Variants in CFH observed in about 807,000 individuals in gnomAD.
CFH encodes complement factor H.
Under a neutral mutation model 147.3 loss-of-function variants are expected in CFH, and 53 were observed. That is an observed-to-expected ratio of 0.36 (90% CI 0.29 to 0.45). The LOEUF (loss-of-function observed/expected upper bound fraction) is 0.45, where lower values mean the gene tolerates loss of function less well. Among genes scored for constraint, CFH ranks in the 20% least tolerant of loss-of-function variants. CFH has a pLI of 1.00. For synonymous variants in CFH, 536 were observed against 489.4 expected (o/e 1.10, Z -1.26); for missense variants, 1,380 against 1,498.0 (o/e 0.92, Z 1.30).
chr1:196,741,635 G>T, intron 18 of CFH: 1 of 489,704 alleles, frequency 2.0e-6, no homozygotes, highest in Non-Finnish European at 3.7e-6. Context: ...AATCTCAATT[G>T]CTACGGCTAC....
At chr1:196,666,990 A>C (rs932266352) in intron 1 of CFH, among the ~76,000 whole-genome samples, 1 of 152,156 alleles carries the variant, frequency 6.6e-6, no homozygotes, top group Non-Finnish European at 1.5e-5. Flanking sequence ...TGTTTTATTA[A>C]TATAAAAAAC....
intron 21 of CFH, among the ~76,000 whole-genome samples, chr1:196,746,559 G>T (rs1352243728): frequency 1.3e-5 from 2 of 152,268 alleles, no homozygotes; most frequent in South Asian, 4.2e-4. Context: ...ATGTTGTTTT[G>T]ATATATTTAT....
chr1:196,737,052 T>G (rs770718601), intron 16 of CFH, 46 bp downstream of exon 16: 14 of 1,485,490 alleles, frequency 9.4e-6, no homozygotes, highest in Non-Finnish European at 9.3e-6. Context: ...CAAATGAGGT[T>G]AATATTCTCT....
intron 9 of CFH, among the ~76,000 whole-genome samples, chr1:196,707,175 T>C (rs1668609730): frequency 6.6e-6 from 1 of 152,038 alleles, no homozygotes; most frequent in Non-Finnish European, 1.5e-5. Context: ...ACAAAACAAA[T>C]TTTAGCTAAG....
rs746304542 is a variant in CFH at position 196,746,007 on chromosome 1, C to T, written c.3493+8C>T. 2 of 1,614,126 alleles carry T rather than the reference C, an allele frequency of 1.2e-6. No homozygotes were observed. The highest frequency in any genetic ancestry group is 2.7e-5 in the African/African-American group (2 of 75,034). ...AACCACCAAAATGCTTACGTAAGTACTTTAATATTCACGTGGCTGGAAAAA... is the reference window on the plus strand; with the variant it reads ...AACCACCAAAATGCTTACGTAAGTATTTTAATATTCACGTGGCTGGAAAAA... On this transcript the variant is annotated splice_region_variant and intron_variant, in intron 21 of 21. Transcript: ENST00000367429.
chr1:196,747,051 A>G, intron 21 of CFH, 60 bp from the exon 22 acceptor site: 1 of 1,606,836 alleles, frequency 6.2e-7, no homozygotes, highest in Non-Finnish European at 8.5e-7. Context: ...TGAAAACCTG[A>G]AAGTCTATGA....
chr1:196,727,087 A>G (rs546882358), intron 14 of CFH, 147 bp downstream of exon 14: 6 of 692,620 alleles, frequency 8.7e-6, no homozygotes, highest in Admixed American at 7.1e-5. Context: ...CATATTGCTT[A>G]TAATTCAATA....
intron 15 of CFH, among the ~76,000 whole-genome samples, 196 bp downstream of exon 15, chr1:196,728,718 C>G (rs960092895): frequency 7.0e-6 from 1 of 143,114 alleles, no homozygotes; most frequent in Non-Finnish European, 1.5e-5. Flanking sequence ...AGTATAAACA[C>G]ACACACACAC....
chr1:196,731,230 A>G (rs931276792), intron 15 of CFH, among the ~76,000 whole-genome samples: 12 of 151,734 alleles, frequency 7.9e-5, no homozygotes, highest in African/African-American at 2.9e-4. Flanking sequence ...TCTTTTGTGT[A>G]TCTATTAGAT....
At chr1:196,734,662 G>A (rs943534991) in intron 15 of CFH, among the ~76,000 whole-genome samples, 2 of 152,044 alleles carry the variant, frequency 1.3e-5, no homozygotes, top group African/African-American at 4.8e-5. Context: ...TGCCTGTGGG[G>A]GGAAGGGAGA....
At chr1:196,740,552 A>G in intron 17 of CFH, 67 bp from the exon 18 acceptor site, 1 of 1,465,110 alleles carries the variant, frequency 6.8e-7, no homozygotes. Flanking sequence ...ACTACTTAAT[A>G]TTAAAACAGG....
At chr1:196,660,689 C>T (rs1230963871) in intron 1 of CFH, among the ~76,000 whole-genome samples, 1 of 152,186 alleles carries the variant, frequency 6.6e-6, no homozygotes, top group East Asian at 1.9e-4. Flanking sequence ...ATTTTAAGTA[C>T]TATTTGAAGA....
chr1:196,660,993 G>A (rs1345367466), intron 1 of CFH, among the ~76,000 whole-genome samples: 3 of 152,056 alleles, frequency 2.0e-5, no homozygotes, highest in African/African-American at 7.3e-5. Flanking sequence ...CCAATAACCT[G>A]AACATCATCA....
chr1:196,739,294 A>G (rs1188293054), intron 17 of CFH, among the ~76,000 whole-genome samples: 1 of 152,214 alleles, frequency 6.6e-6, no homozygotes, highest in Non-Finnish European at 1.5e-5. Flanking sequence ...AAATTTCTGC[A>G]GCAGGCTTGA....
chr1:196,661,344 G>A (rs1194180564), intron 1 of CFH, among the ~76,000 whole-genome samples: 7 of 152,092 alleles, frequency 4.6e-5, no homozygotes, highest in Non-Finnish European at 7.4e-5. Context: ...CCATGTTAAT[G>A]GGCACTTCTA....
intron 1 of CFH, among the ~76,000 whole-genome samples, chr1:196,663,747 G>C (rs1572999537): frequency 6.6e-6 from 1 of 152,194 alleles, no homozygotes; most frequent in South Asian, 2.1e-4. Flanking sequence ...AAAATTCCTT[G>C]GTGCTCTAAG....
intron 6 of CFH, 34 bp downstream of exon 6, chr1:196,679,827 A>G: frequency 6.4e-7 from 1 of 1,556,174 alleles, no homozygotes; most frequent in Non-Finnish European, 8.8e-7. Context: ...ATCTTTATAA[A>G]TTTATCACAT....
At chr1:196,688,663 T>C (rs956475993) in intron 7 of CFH, among the ~76,000 whole-genome samples, 3 of 152,274 alleles carry the variant, frequency 2.0e-5, no homozygotes, top group Non-Finnish European at 2.9e-5. Flanking sequence ...CATGCTGGAG[T>C]GCAAAGACAC....
intron 3 of CFH, among the ~76,000 whole-genome samples, chr1:196,674,972 T>TCACTA: frequency 6.6e-6 from 1 of 152,150 alleles, no homozygotes; most frequent in African/African-American, 2.4e-5. Flanking sequence ...CTCTCCTTAG[T>TCACTA]CACTACCTGA....
Sources: allele counts gnomAD v4.1 joint callset (sites outside exome capture counted in the v4.1 genomes callset), GRCh38; gene constraint gnomAD v4.1.1; transcripts MANE v1.5; gene names NCBI Gene and HGNC (gene_info 2026-07-23, HGNC 2026-07-21).